FXN: variants seen among roughly 807,000 people sequenced by gnomAD.
FXN encodes the protein frataxin.
A neutral mutation model predicts 22.4 loss-of-function variants in FXN; 14 were observed. The ratio of observed to expected loss-of-function variants is 0.62; its 90% CI spans 0.41 to 0.98. The LOEUF (loss-of-function observed/expected upper bound fraction) is 0.98. Ranked by LOEUF, FXN falls within the 50% of genes least tolerant of loss-of-function variation. FXN has a pLI of 0.00. For missense variants in FXN, 267 were observed against 268.4 expected (o/e 0.99, Z 0.04); for synonymous variants, 120 against 114.1 (o/e 1.05, Z -0.33).
intron 4 of FXN, among the ~76,000 whole-genome samples, chr9:69,069,925 T>A (rs890523389): frequency 6.6e-6 from 1 of 152,216 alleles, no homozygotes; most frequent in Non-Finnish European, 1.5e-5. Context: ...TCTTCCAATT[T>A]GCTGTAAGAA....
chr9:69,057,356 T>A (rs1297084199), intron 3 of FXN, among the ~76,000 whole-genome samples: 2 of 152,216 alleles, frequency 1.3e-5, no homozygotes, highest in Non-Finnish European at 2.9e-5. Context: ...CCTTCCTGAT[T>A]CCTGCCCTGA....
At chr9:69,037,421 G>T (rs932820989) in intron 1 of FXN, among the ~76,000 whole-genome samples, 1 of 151,932 alleles carries the variant, frequency 6.6e-6, no homozygotes, top group East Asian at 1.9e-4. Context: ...AGCCAAGATC[G>T]CCCAATGCAC....
chr9:69,071,213 C>T, intron 4 of FXN: 1 of 519,018 alleles, frequency 1.9e-6, no homozygotes, highest in Non-Finnish European at 3.8e-6. Context: ...GGGGACGGTC[C>T]TTGGGCTTGG....
At chr9:69,040,390 C>T (rs1033709160) in intron 1 of FXN, among the ~76,000 whole-genome samples, 3 of 152,142 alleles carry the variant, frequency 2.0e-5, no homozygotes, top group Admixed American at 2.0e-4. Flanking sequence ...TATACGCTGC[C>T]GGGCGCGGTG....
intron 3 of FXN, among the ~76,000 whole-genome samples, chr9:69,062,354 T>G (rs897584145): frequency 1.2e-4 from 18 of 152,162 alleles, no homozygotes; most frequent in Middle Eastern, 3.4e-3. Context: ...CAAGCGATCC[T>G]CCCTCCTTGG....
chr9:69,040,580 A>G (rs1253835927), intron 1 of FXN, among the ~76,000 whole-genome samples: 3 of 152,172 alleles, frequency 2.0e-5, no homozygotes, highest in African/African-American at 4.8e-5. Context: ...AGGCAGGAGA[A>G]TGGCGTGAAC....
rs1255829768 is a variant in FXN, at chr9:69,053,620, A to T, written c.384+360A>T. On this transcript the variant is annotated intron_variant, in intron 3 of 4. Coordinates refer to ENST00000484259, the MANE Select transcript of FXN (RefSeq NM_000144.5). ...TACCAGGCTTGTTGTGACTCTGGGC[A>T]AGTCACTCAGCCTCTCTGAGCCTCA... is the stretch of plus-strand genomic sequence containing the variant. Among the ~76,000 whole-genome samples the T allele has an allele frequency of 2.6e-5, 4 of 152,168 alleles. No homozygotes were observed. In the East Asian group the frequency reaches 7.7e-4, roughly 29 times the overall value.
intron 3 of FXN, among the ~76,000 whole-genome samples, chr9:69,060,664 G>GA (rs1423061192): frequency 6.6e-6 from 1 of 151,894 alleles, no homozygotes; most frequent in South Asian, 2.1e-4. Context: ...ATCTGTGGGG[G>GA]AAAAAATCTA....
intron 1 of FXN, among the ~76,000 whole-genome samples, chr9:69,043,917 C>G (rs977320345): frequency 2.0e-5 from 3 of 152,040 alleles, no homozygotes; most frequent in Non-Finnish European, 2.9e-5. Flanking sequence ...GAAATGAGGT[C>G]TCTCTATGTT....
Position 69,066,871 on chromosome 9 carries a change from T to A in FXN, c.482+1836T>A, listed in dbSNP as rs563083614. On this transcript the variant is annotated intron_variant, in intron 4 of 4. Coordinates refer to ENST00000484259, the MANE Select transcript of FXN (RefSeq NM_000144.5). ...TACTATCTTCCTCAAAAAAAAAAAA[T>A]ATATATATATATATGGGGGACGGGG... Among the ~76,000 whole-genome samples, 1,345 of 141,688 alleles carry A rather than the reference T, an allele frequency of 9.5e-3. 19 individuals carry two copies. Among genetic ancestry groups the A allele is most frequent in the African/African-American group, 0.027 (1,053 of 38,386 alleles). 93.0% of individuals were successfully genotyped at this position (141,688 alleles called of 152,430 possible).
At position 69,072,964 on chromosome 9, in the gene FXN, ATGGAAGATTTT is replaced by A; in HGVS notation, c.*204_*214del. 2 of 1,440,032 alleles carry A rather than the reference ATGGAAGATTTT, an allele frequency of 1.4e-6. No individual in the cohort carries two copies. Among genetic ancestry groups the A allele is most frequent in the African/African-American group, 2.9e-5 (2 of 69,790 alleles). 89.2% of individuals were successfully genotyped at this position (1,440,032 alleles called of 1,614,324 possible). A position where few individuals can be genotyped will look rare whatever the true frequency, so the allele number is the denominator to read the frequency against. ...CCCCAAGTTCTGATTTTTAATTTCT[ATGGAAGATTTT>A]TTGGATTGTCGGATTTCCTCCCTCA... On this transcript the variant is annotated 3_prime_UTR_variant, in exon 5 of 5. Coordinates refer to ENST00000484259, the MANE Select transcript of FXN (RefSeq NM_000144.5).
intron 1 of FXN, among the ~76,000 whole-genome samples, chr9:69,039,285 T>C (rs765565268): frequency 6.6e-6 from 1 of 152,042 alleles, no homozygotes; most frequent in Non-Finnish European, 1.5e-5. Flanking sequence ...CTAATAACTT[T>C]ATTACTTTAT....
chr9:69,067,067 G>C (rs1005836304), intron 4 of FXN, among the ~76,000 whole-genome samples: 16 of 152,366 alleles, frequency 1.1e-4, no homozygotes, highest in Admixed American at 8.5e-4. Flanking sequence ...AGAGAAGCGG[G>C]CCCTGAGGAC....
intron 4 of FXN, among the ~76,000 whole-genome samples, chr9:69,068,315 G>A (rs1205885513): frequency 6.6e-6 from 1 of 152,212 alleles, no homozygotes; most frequent in Non-Finnish European, 1.5e-5. Context: ...GTCACTTTCT[G>A]TTTGCACAGC....
intron 3 of FXN, among the ~76,000 whole-genome samples, chr9:69,064,511 T>C (rs1832132314): frequency 6.6e-6 from 1 of 152,226 alleles, no homozygotes; most frequent in African/African-American, 2.4e-5. Context: ...ACTTGTCATG[T>C]CTGATGTTTG....
rs186174678 is a variant in FXN, at chr9:69,038,921, A to C, written c.165+2974A>C. ...ACTTTTATAAAATTCACAATTAAAA[A>C]TGAAGGTTCACATAGTCAAGTTGTT... On this transcript the variant is annotated intron_variant, in intron 1 of 4. Transcript: ENST00000484259. Among the ~76,000 whole-genome samples the C allele has an allele frequency of 7.0e-4, 106 of 152,306 alleles. 1 individual carries two copies. The highest frequency in any genetic ancestry group is 2.5e-3 in the African/African-American group (105 of 41,566).
intron 2 of FXN, among the ~76,000 whole-genome samples, chr9:69,052,736 G>A (rs956403423): frequency 4.0e-5 from 6 of 151,758 alleles, no homozygotes; most frequent in African/African-American, 1.2e-4. Context: ...TAGAGACGGG[G>A]TTTCACCATG....
At chr9:69,052,149 A>ATT (rs34185166) in intron 2 of FXN, among the ~76,000 whole-genome samples, 10 of 144,096 alleles carry the variant, frequency 6.9e-5, no homozygotes, top group African/African-American at 1.0e-4. Context: ...GGCCCAGCCT[A>ATT]TTTTTTTTTT....
intron 3 of FXN, among the ~76,000 whole-genome samples, chr9:69,064,162 T>G (rs1290788363): frequency 6.6e-6 from 1 of 152,222 alleles, no homozygotes; most frequent in African/African-American, 2.4e-5. Context: ...ACTAGCCCTG[T>G]AGCTGTTTCT....
Sources: allele counts gnomAD v4.1 joint callset (sites outside exome capture counted in the v4.1 genomes callset), GRCh38; gene constraint gnomAD v4.1.1; transcripts MANE v1.5; gene names NCBI Gene and HGNC (gene_info 2026-07-23, HGNC 2026-07-21).